The following GFM2 variants were observed in gnomAD, a reference collection of about 807,000 sequenced individuals.
The protein encoded by GFM2 is GTP dependent ribosome recycling factor mitochondrial 2, also known as ribosome-releasing factor 2, mitochondrial.
A neutral mutation model predicts 95.4 loss-of-function variants in GFM2; 72 were observed. The observed-to-expected ratio is 0.76, with a 90% CI of 0.62 to 0.92. The LOEUF (loss-of-function observed/expected upper bound fraction) is 0.92, where lower values mean the gene tolerates loss of function less well. Among genes scored for constraint, GFM2 ranks in the 40% least tolerant of loss-of-function variants. The pLI, the probability that GFM2 is intolerant of heterozygous loss-of-function variation, is 0.00. For synonymous variants in GFM2, 276 were observed against 317.5 expected (o/e 0.87, Z 1.39); for missense variants, 825 against 924.1 (o/e 0.89, Z 1.39).
At chr5:74,746,314 A>G (rs1192972847) in intron 8 of GFM2, 149 bp from the exon 9 acceptor site, 1 of 433,088 alleles carries the variant, frequency 2.3e-6, no homozygotes, top group Admixed American at 4.1e-5. Context: ...ACTATTTAAC[A>G]GTTTTCCATA....
intron 7 of GFM2, among the ~76,000 whole-genome samples, chr5:74,749,980 G>A (rs1013319588): frequency 2.6e-5 from 4 of 152,110 alleles, no homozygotes; most frequent in Admixed American, 1.3e-4. Flanking sequence ...TGTGTGAGGC[G>A]TGGAGGGTGA....
At chr5:74,743,325 C>T (rs11743415) in intron 10 of GFM2, among the ~76,000 whole-genome samples, 7 of 152,028 alleles carry the variant, frequency 4.6e-5, no homozygotes, top group South Asian at 2.1e-4. Context: ...TTTGAGGAAT[C>T]GCCATATTGT....
chr5:74,749,195 T>C (rs547414454), intron 7 of GFM2, among the ~76,000 whole-genome samples: 23 of 151,926 alleles, frequency 1.5e-4, no homozygotes, highest in African/African-American at 3.6e-4. Flanking sequence ...TTTTGTATTT[T>C]ATAAAGATGG....
intron 2 of GFM2, among the ~76,000 whole-genome samples, chr5:74,762,296 G>A (rs1744324203): frequency 6.6e-6 from 1 of 152,118 alleles, no homozygotes; most frequent in Non-Finnish European, 1.5e-5. Flanking sequence ...GACCCCCAGT[G>A]GATTCCTGAA....
In GFM2 at chr5:74,736,930, C is replaced by T. The variant is rs769129792; in HGVS notation, c.1376G>A (p.Arg459His). ...CTTTTCTCCCTCCCGTTCGGCTCTA[C>T]GAGCTGCAGCTAATGCACTGGACTT... is the stretch of plus-strand genomic sequence containing the variant. ...SSKSSALAAA[R>H]RAEREGEKKH... is the part of the protein sequence containing the mutation. The change falls in exon 15 of 21, where the codon CGT becomes CAT. Residue 459 changes from arginine (R) to histidine (H), a missense_variant. Physicochemically the swap from Arg to His is conservative, Grantham distance 29. Coordinates refer to ENST00000296805, the MANE Select transcript of GFM2 (RefSeq NM_032380.5). 29 of 1,613,732 alleles carry T rather than the reference C, an allele frequency of 1.8e-5. No individual in the cohort carries two copies. The highest frequency in any genetic ancestry group is 1.7e-4 in the Middle Eastern group (1 of 6,054).
At chr5:74,728,523 A>G (rs879295000) in intron 17 of GFM2, among the ~76,000 whole-genome samples, 9 of 152,112 alleles carry the variant, frequency 5.9e-5, no homozygotes, top group South Asian at 2.1e-4. Flanking sequence ...ACCTGCATAC[A>G]TACTTTAAAC....
chr5:74,721,333 CT>C lies in GFM2; in HGVS notation c.*321del. The C allele has an allele frequency of 1.3e-6, 1 of 767,116 alleles. No homozygotes were observed. The highest frequency in any genetic ancestry group is 1.5e-5 in the South Asian group (1 of 68,102). The allele number at this position is 767,116 out of a possible 1,614,324, so 47.5% of individuals were successfully genotyped here. On this transcript the variant is annotated 3_prime_UTR_variant, in exon 21 of 21. Transcript: ENST00000296805. Reference sequence around the variant, plus strand: ...TTACATTTAGAGGCCTGGCATCTTTCTTGTGAGACAAGCTTAAGGACACAAA... The same window carrying C: ...TTACATTTAGAGGCCTGGCATCTTTCTGTGAGACAAGCTTAAGGACACAAA...
Position 74,747,087 on chromosome 5 carries a change from C to G in GFM2, c.608+605G>C, listed in dbSNP as rs1164122192. 4.6e-5 allele frequency among the ~76,000 whole-genome samples: 7 copies of G among 152,262 alleles called. No individual in the cohort carries two copies. In the East Asian group the frequency reaches 1.2e-3, roughly 25 times the overall value. Reference sequence around the variant, plus strand: ...TGATTCTCTCCCTTTCACATTTTCTCCAAATCTTTCAAATATTCTTGATTA... The same window carrying G: ...TGATTCTCTCCCTTTCACATTTTCTGCAAATCTTTCAAATATTCTTGATTA... On this transcript the variant is annotated intron_variant, in intron 8 of 20. Transcript: ENST00000296805.
chr5:74,760,716 C>A (rs1744237202), intron 3 of GFM2, among the ~76,000 whole-genome samples, 186 bp downstream of exon 3: 1 of 152,160 alleles, frequency 6.6e-6, no homozygotes, highest in Non-Finnish European at 1.5e-5. Context: ...AGATAAGGAG[C>A]ACAACTCTAC....
chr5:74,762,657 G>C (rs1744342799), intron 2 of GFM2, among the ~76,000 whole-genome samples: 1 of 152,090 alleles, frequency 6.6e-6, no homozygotes, highest in African/African-American at 2.4e-5. Context: ...TGCGCTCTGG[G>C]ACCGTGATTA....
At position 74,728,833 on chromosome 5, in the gene GFM2, T is replaced by C. The variant is rs1349148943; in HGVS notation, c.1726+1427A>G. Among the ~76,000 whole-genome samples the C allele has an allele frequency of 5.1e-5, 7 of 138,146 alleles. No homozygotes were observed. In the East Asian group the frequency reaches 1.7e-3, roughly 34 times the overall value. The allele number at this position is 138,146 out of a possible 152,430, so 90.6% of individuals were successfully genotyped here. A position where few individuals can be genotyped will look rare whatever the true frequency, so the allele number is the denominator to read the frequency against. ...GTGTAATGGCACGATCTCAGCTCAC[T>C]GCAACTTCGCCTCTGGGATTCAAGC... On this transcript the variant is annotated intron_variant, in intron 17 of 20. Transcript: ENST00000296805.
intron 2 of GFM2, 81 bp from the exon 3 acceptor site, chr5:74,761,067 G>C (rs1744258491): frequency 2.5e-6 from 2 of 786,248 alleles, no homozygotes; most frequent in East Asian, 2.5e-5. Context: ...ATTACGCTTT[G>C]TCAGAAGATA....
chr5:74,764,419 G>C (rs1744436638), intron 1 of GFM2, among the ~76,000 whole-genome samples: 1 of 152,214 alleles, frequency 6.6e-6, no homozygotes, highest in Non-Finnish European at 1.5e-5. Context: ...GTGGCCTGCA[G>C]GCCACATGCG....
chr5:74,733,287 TTG>T lies in GFM2; in HGVS notation c.1511-191_1511-190del. On this transcript the variant is annotated intron_variant, in intron 15 of 20. Transcript: ENST00000296805. ...AGAATGATCGCTTGAGCCCAGGAGT[TTG>T]CGACCAGCCTGGGCAACATGGCGAA... is the stretch of plus-strand genomic sequence containing the variant. The T allele has an allele frequency of 2.7e-4, 132 of 483,542 alleles. 1 individual carries two copies. Among genetic ancestry groups the T allele is most frequent in the South Asian group, 6.5e-4 (23 of 35,614 alleles). The allele number at this position is 483,542 out of a possible 1,614,324, so 30.0% of individuals were successfully genotyped here. A position where few individuals can be genotyped will look rare whatever the true frequency, so the allele number is the denominator to read the frequency against.
At chr5:74,766,576 A>T (rs1026009085) in intron 1 of GFM2, among the ~76,000 whole-genome samples, 6 of 152,198 alleles carry the variant, frequency 3.9e-5, no homozygotes, top group Admixed American at 6.5e-5. Flanking sequence ...TCGGTGCACC[A>T]AAATGCCTCA....
rs371762138 is a variant in GFM2, at chr5:74,745,136, G to A, written c.849+542C>T. ...GGCGATCACCTGAGGTCAGGGGTTC[G>A]AGACCAGCCTGGCCAACATGATGAA... is the stretch of plus-strand genomic sequence containing the variant. On this transcript the variant is annotated intron_variant, in intron 10 of 20. Coordinates refer to ENST00000296805, the MANE Select transcript of GFM2 (RefSeq NM_032380.5). Among the ~76,000 whole-genome samples the A allele has an allele frequency of 1.0e-3, 159 of 152,092 alleles. 1 individual carries two copies. The South Asian group carries it at 0.032, about 31-fold the overall frequency.
rs77478532 is a variant in GFM2, at chr5:74,744,024, T to C, written c.849+1654A>G. 4.0e-3 allele frequency among the ~76,000 whole-genome samples: 610 copies of C among 152,342 alleles called. 4 individuals carry two copies. Among genetic ancestry groups the C allele is most frequent in the African/African-American group, 0.014 (586 of 41,584 alleles). On this transcript the variant is annotated intron_variant, in intron 10 of 20. Transcript: ENST00000296805. The stretch of plus-strand genomic sequence containing the variant: ...TGATAAAGTTGCAATGATTACTACA[T>C]ACAGTCAGGAATCAGTTAGTGACAG...
chr5:74,760,759 C>A, intron 3 of GFM2, 143 bp downstream of exon 3: 1 of 641,520 alleles, frequency 1.6e-6, no homozygotes, highest in Non-Finnish European at 2.8e-6. Flanking sequence ...TCTGAACACT[C>A]CCGCCCCTAA....
At chr5:74,728,212 A>T (rs1750236799) in intron 17 of GFM2, among the ~76,000 whole-genome samples, 1 of 152,046 alleles carries the variant, frequency 6.6e-6, no homozygotes, top group Non-Finnish European at 1.5e-5. Context: ...CTAAATTTTG[A>T]CTCCCCTGAA....
Sources: allele counts gnomAD v4.1 joint callset (sites outside exome capture counted in the v4.1 genomes callset), GRCh38; gene constraint gnomAD v4.1.1; transcripts MANE v1.5; gene names NCBI Gene and HGNC (gene_info 2026-07-23, HGNC 2026-07-21).